Variants in HDAC9 observed in about 807,000 individuals in gnomAD.
The protein encoded by HDAC9 is histone deacetylase 9.
Under a neutral mutation model 139.4 loss-of-function variants are expected in HDAC9, and 41 were observed. The observed-to-expected ratio is 0.29, with a 90% CI of 0.23 to 0.38. HDAC9 has a LOEUF of 0.38. HDAC9 is among the 10% of genes least tolerant of loss of function. The pLI, the probability that HDAC9 is intolerant of heterozygous loss-of-function variation, is 1.00. For synonymous variants in HDAC9, 517 were observed against 476.2 expected (o/e 1.09, Z -1.12); for missense variants, 1,147 against 1,297.0 (o/e 0.88, Z 1.78).
intron 2 of HDAC9, among the ~76,000 whole-genome samples, chr7:18,535,722 CAAAAAAAAAAAA>C (rs72123660): frequency 1.1e-3 from 56 of 49,250 alleles, no homozygotes; most frequent in African/African-American, 3.9e-3. Flanking sequence ...AGGCATTAAG[CAAAAAAAAAAAA>C]AAAAAAAAAA....
chr7:18,933,117 T>A (rs574951324), intron 22 of HDAC9, among the ~76,000 whole-genome samples: 12 of 152,188 alleles, frequency 7.9e-5, no homozygotes, highest in Non-Finnish European at 1.8e-4. Context: ...TTCAGGCTGC[T>A]GTATCAAAAT....
chr7:18,927,361 G>T (rs1804326963), intron 22 of HDAC9, among the ~76,000 whole-genome samples: 1 of 152,072 alleles, frequency 6.6e-6, no homozygotes, highest in South Asian at 2.1e-4. Flanking sequence ...AGTCCTGCTG[G>T]AGAGCCTCAC....
intron 1 of HDAC9, among the ~76,000 whole-genome samples, chr7:18,484,167 A>G (rs986895777): frequency 2.1e-5 from 3 of 141,490 alleles, no homozygotes; most frequent in Non-Finnish European, 4.6e-5. Flanking sequence ...GCAAGACCTT[A>G]TCTCTCAAAA....
rs559186601 is a variant in HDAC9, at chr7:18,721,002, TA to T, written c.1732-6577del. On this transcript the variant is annotated intron_variant, in intron 12 of 25. Coordinates refer to ENST00000686413, the MANE Select transcript of HDAC9 (RefSeq NM_178425.4). ...CCTATTTTTATTTTCTTTTTTCATT[TA>T]TTTTTACATTTTCTCTCTTAATTTC... Among the ~76,000 whole-genome samples the T allele has an allele frequency of 3.1e-3, 473 of 152,278 alleles. 2 individuals are homozygous for T. Among genetic ancestry groups the T allele is most frequent in the African/African-American group, 0.011 (452 of 41,568 alleles).
rs543614742 is a variant in HDAC9 at position 18,158,503 on chromosome 7, G to T, written c.-96-3726G>T. ...GGTCTGTAATTCCTTGCAATGCCGC[G>T]AAGAAAGCACTGGGCTAAGAGTTAC... On this transcript the variant is annotated intron_variant, in intron 1 of 12. Coordinates refer to the HDAC9 transcript ENST00000417496. Among the ~76,000 whole-genome samples, 14 of 152,264 alleles carry T rather than the reference G, an allele frequency of 9.2e-5. No individual in the cohort carries two copies. In the South Asian group the frequency reaches 2.9e-3, roughly 32 times the overall value.
intron 1 of HDAC9, among the ~76,000 whole-genome samples, chr7:18,443,234 C>T (rs1791955237): frequency 6.6e-6 from 1 of 151,896 alleles, no homozygotes; most frequent in African/African-American, 2.4e-5. Context: ...TTATAAATTT[C>T]CACAGGGATT....
intron 12 of HDAC9, among the ~76,000 whole-genome samples, chr7:18,686,507 A>G (rs1489559730): frequency 6.6e-6 from 1 of 151,996 alleles, no homozygotes; most frequent in Admixed American, 6.6e-5. Flanking sequence ...TACAAATGTC[A>G]TTTATGAAAT....
chr7:18,319,670 T>C (rs963088134), intron 1 of HDAC9, among the ~76,000 whole-genome samples: 4 of 152,348 alleles, frequency 2.6e-5, no homozygotes, highest in East Asian at 3.9e-4. Flanking sequence ...TAAAAAAGGC[T>C]AAATTTAAGA....
chr7:18,103,367 A>G (rs2128073582), intron 1 of HDAC9, among the ~76,000 whole-genome samples: 1 of 152,242 alleles, frequency 6.6e-6, no homozygotes, highest in South Asian at 2.1e-4. Flanking sequence ...CGGGGGATAC[A>G]TATGCAAGTT....
chr7:18,296,937 A>G (rs772443767), intron 1 of HDAC9, among the ~76,000 whole-genome samples: 2 of 152,216 alleles, frequency 1.3e-5, no homozygotes, highest in East Asian at 3.8e-4. Context: ...CAGACTTTGT[A>G]TGCGGTGCCT....
chr7:18,599,118 C>A (rs1396837562), intron 6 of HDAC9, among the ~76,000 whole-genome samples: 1 of 152,182 alleles, frequency 6.6e-6, no homozygotes, highest in Non-Finnish European at 1.5e-5. Flanking sequence ...TTAATTTCTG[C>A]TGTTAACTTC....
At chr7:18,251,530 G>GA (rs1732633173) in intron 2 of HDAC9, among the ~76,000 whole-genome samples, 2 of 151,910 alleles carry the variant, frequency 1.3e-5, no homozygotes, top group Admixed American at 6.6e-5. Flanking sequence ...AATATTGAAG[G>GA]AAAAAAATAC....
intron 6 of HDAC9, among the ~76,000 whole-genome samples, chr7:18,612,939 T>C (rs1003338572): frequency 2.0e-5 from 3 of 151,726 alleles, no homozygotes; most frequent in Non-Finnish European, 4.4e-5. Context: ...TTTGAAACTT[T>C]AGGCTGACTA....
chr7:18,741,962 A>G (rs1018752761), intron 13 of HDAC9, among the ~76,000 whole-genome samples: 3 of 152,220 alleles, frequency 2.0e-5, no homozygotes, highest in Non-Finnish European at 4.4e-5. Context: ...CTCATTATAA[A>G]ACTTGAATTA....
Position 18,987,818 on chromosome 7 carries a change from T to G in HDAC9, c.3171-8205T>G, listed in dbSNP as rs553095994. ...TGGGAGAGTGTATGTGTCCAGGAAT[T>G]TATCCATTTCTTCTAGATTTTCTAG... On this transcript the variant is annotated intron_variant, in intron 25 of 25. Transcript: ENST00000686413. 8.3e-4 allele frequency among the ~76,000 whole-genome samples: 127 copies of G among 152,278 alleles called. 3 individuals carry two copies. Among genetic ancestry groups the G allele is most frequent in the South Asian group, 5.0e-3 (24 of 4,826 alleles).
Position 18,998,719 on chromosome 7 carries a change from A to G in HDAC9, c.*2657A>G, listed in dbSNP as rs112302897. ...TCGCAGTTGTTCTGAATGAGAGGCT[A>G]GAAGAGTATTATCAATTTTGCATCT... On this transcript the variant is annotated 3_prime_UTR_variant, in exon 26 of 26. Coordinates refer to ENST00000686413, the MANE Select transcript of HDAC9 (RefSeq NM_178425.4). 6.6e-5 allele frequency: 10 copies of G among 152,336 alleles called. No homozygotes were observed. The East Asian group carries it at 1.7e-3, about 26-fold the overall frequency. The allele number at this position is 152,336 out of a possible 1,614,324, so 9.4% of individuals were successfully genotyped here.
chr7:18,732,824 TGTGTGCGTATGTGTACACACACGTGTGTA>T (rs1562892865), intron 13 of HDAC9, among the ~76,000 whole-genome samples: 1 of 104,388 alleles, frequency 9.6e-6, no homozygotes, highest in Non-Finnish European at 1.9e-5. Flanking sequence ...CACGTGTGTA[TGTGTGCGTATGTGTACACACACGTGTGTA>T]TGTGTGCGTA....
intron 25 of HDAC9, among the ~76,000 whole-genome samples, chr7:18,994,568 T>C (rs7788833): frequency 0.26 from 39,927 of 152,084 alleles, 5,483 homozygotes; most frequent in East Asian, 0.38. Context: ...AATTTTCTTT[T>C]TTGGTAACAA....
intron 1 of HDAC9, among the ~76,000 whole-genome samples, chr7:18,410,614 TA>T (rs1260292345): frequency 6.6e-6 from 1 of 152,224 alleles, no homozygotes; most frequent in East Asian, 1.9e-4. Context: ...TGGCTTTTGT[TA>T]AATTAGCTTT....
Sources: allele counts gnomAD v4.1 joint callset (sites outside exome capture counted in the v4.1 genomes callset), GRCh38; gene constraint gnomAD v4.1.1; transcripts MANE v1.5; gene names NCBI Gene and HGNC (gene_info 2026-07-23, HGNC 2026-07-21).